The following CHN1 variants were observed in gnomAD, a reference collection of about 807,000 sequenced individuals.
CHN1 encodes chimerin 1, also known as N-chimaerin.
Under a neutral mutation model 59.5 loss-of-function variants are expected in CHN1, and 37 were observed. That is an observed-to-expected ratio of 0.62 (90% CI 0.48 to 0.82). The LOEUF is 0.82. Among genes scored for constraint, CHN1 ranks in the 40% least tolerant of loss-of-function variants. The pLI, the probability that CHN1 is intolerant of heterozygous loss-of-function variation, is 0.00. For missense variants in CHN1, 469 were observed against 571.0 expected, an observed-to-expected ratio of 0.82 and a Z score of 1.82; for synonymous variants, 206 against 200.4, an observed-to-expected ratio of 1.03 and a Z score of -0.24.
At position 174,969,511 on chromosome 2, in the gene CHN1, C is replaced by G. The variant is rs193059130; in HGVS notation, c.20-17309G>C. 1.2e-4 allele frequency among the ~76,000 whole-genome samples: 18 copies of G among 152,316 alleles called. 1 individual carries two copies. The highest frequency in any genetic ancestry group is 1.1e-3 in the Admixed American group (17 of 15,298). On this transcript the variant is annotated intron_variant, in intron 1 of 12. Transcript: ENST00000409900. ...CTTCCTCTCACTCACTCTTCTCCAG[C>G]CTCTTTGTTCCTCTGCCATTCATCA...
chr2:174,946,182 T>TA (rs1689830283), intron 2 of CHN1, among the ~76,000 whole-genome samples: 1 of 152,138 alleles, frequency 6.6e-6, no homozygotes, highest in Non-Finnish European at 1.5e-5. Flanking sequence ...ACTTCACAGA[T>TA]TACTTAAGGA....
chr2:174,885,269 G>A (rs1169588246), intron 5 of CHN1, among the ~76,000 whole-genome samples: 3 of 149,280 alleles, frequency 2.0e-5, no homozygotes, highest in African/African-American at 4.9e-5. Flanking sequence ...AGCGAGACTC[G>A]GTCTCAAAAA....
intron 8 of CHN1, among the ~76,000 whole-genome samples, chr2:174,823,818 A>G (rs1373452487): frequency 6.6e-6 from 1 of 152,154 alleles, no homozygotes; most frequent in Non-Finnish European, 1.5e-5. Flanking sequence ...GTATGTGTAA[A>G]TCTTTTGGTT....
At chr2:174,846,340 T>C (rs1558949948) in intron 7 of CHN1, 1 of 1,549,418 alleles carries the variant, frequency 6.5e-7, no homozygotes, top group South Asian at 1.2e-5. Flanking sequence ...ACTCAAAAAG[T>C]GAGGAGAAGC....
chr2:174,840,089 A>G (rs771902433), intron 7 of CHN1, among the ~76,000 whole-genome samples: 8 of 151,918 alleles, frequency 5.3e-5, no homozygotes, highest in Non-Finnish European at 8.8e-5. Flanking sequence ...ACCATGAGGA[A>G]TATGGCATTA....
At chr2:174,815,825 C>G (rs1044028838) in intron 8 of CHN1, among the ~76,000 whole-genome samples, 1 of 152,166 alleles carries the variant, frequency 6.6e-6, no homozygotes, top group Non-Finnish European at 1.5e-5. Context: ...CTGGTTCCTA[C>G]TAAATCTTTA....
intron 6 of CHN1, 121 bp from the exon 7 acceptor site, chr2:174,847,078 G>C: frequency 6.4e-7 from 1 of 1,551,696 alleles, no homozygotes; most frequent in South Asian, 1.2e-5. Flanking sequence ...GTTTTGATTT[G>C]TGAACTGCAG....
At chr2:174,805,701 C>A (rs964667940) in intron 11 of CHN1, among the ~76,000 whole-genome samples, 1 of 152,096 alleles carries the variant, frequency 6.6e-6, no homozygotes, top group African/African-American at 2.4e-5. Flanking sequence ...ACTCTAAGCC[C>A]ATAAAGATCT....
At chr2:174,907,618 T>G (rs1367581591) in intron 5 of CHN1, among the ~76,000 whole-genome samples, 3 of 151,238 alleles carry the variant, frequency 2.0e-5, no homozygotes, top group East Asian at 1.9e-4. Flanking sequence ...TTTTGGTTTT[T>G]TTTTTTTTTT....
chr2:174,845,629 C>T (rs538733387), intron 7 of CHN1, among the ~76,000 whole-genome samples: 9 of 151,892 alleles, frequency 5.9e-5, no homozygotes, highest in Non-Finnish European at 8.8e-5. Flanking sequence ...AAGAAGAAAA[C>T]GTTATTTAGT....
intron 11 of CHN1, among the ~76,000 whole-genome samples, chr2:174,804,268 G>A (rs1230977237): frequency 6.6e-6 from 1 of 152,130 alleles, no homozygotes; most frequent in Non-Finnish European, 1.5e-5. Context: ...TATAATGTTT[G>A]AGGAAAAGTG....
intron 3 of CHN1, among the ~76,000 whole-genome samples, chr2:174,937,262 C>T (rs1220016359): frequency 1.3e-5 from 2 of 152,174 alleles, no homozygotes; most frequent in East Asian, 3.8e-4. Flanking sequence ...AGAAAGGTCA[C>T]ACACACATGG....
At chr2:174,807,048 G>T (rs970190876) in intron 11 of CHN1, among the ~76,000 whole-genome samples, 2 of 152,180 alleles carry the variant, frequency 1.3e-5, no homozygotes, top group Admixed American at 1.3e-4. Flanking sequence ...TCTCTGAGGG[G>T]TGAGATAAGG....
At chr2:174,919,293 G>C (rs76314847) in intron 3 of CHN1, among the ~76,000 whole-genome samples, 13,225 of 152,136 alleles carry the variant, frequency 0.087, 719 homozygotes, top group Non-Finnish European at 0.12. Flanking sequence ...AATAGGAGTG[G>C]GTAACAAAAG....
intron 1 of CHN1, among the ~76,000 whole-genome samples, chr2:174,988,328 G>A (rs1337337844): frequency 6.7e-6 from 1 of 148,806 alleles, no homozygotes; most frequent in Non-Finnish European, 1.5e-5. Context: ...CTGCACTCCA[G>A]CCTGGGCAAC....
chr2:174,928,560 T>G (rs1689242210), intron 3 of CHN1, among the ~76,000 whole-genome samples: 1 of 152,182 alleles, frequency 6.6e-6, no homozygotes, highest in Non-Finnish European at 1.5e-5. Flanking sequence ...AATTTTGAAA[T>G]GTATGTGCAA....
At chr2:174,948,914 A>C (rs1689929952) in intron 2 of CHN1, among the ~76,000 whole-genome samples, 1 of 152,182 alleles carries the variant, frequency 6.6e-6, no homozygotes, top group Admixed American at 6.6e-5. Context: ...GTCGGTCCCA[A>C]AGACTATTAG....
At chr2:174,861,062 A>T (rs1005426805) in intron 6 of CHN1, among the ~76,000 whole-genome samples, 7 of 152,198 alleles carry the variant, frequency 4.6e-5, no homozygotes, top group African/African-American at 1.4e-4. Flanking sequence ...TTAAAAATTT[A>T]AAATTTTTAA....
Position 175,004,963 on chromosome 2 carries a change from G to A in CHN1, c.-51C>T, listed in dbSNP as rs1692016523. 3.3e-6 allele frequency: 5 copies of A among 1,517,948 alleles called. No homozygotes were observed. Among genetic ancestry groups the A allele is most frequent in the Non-Finnish European group, 4.4e-6 (5 of 1,135,978 alleles). The allele number at this position is 1,517,948 out of a possible 1,614,324, so 94.0% of individuals were successfully genotyped here. A position where few individuals can be genotyped will look rare whatever the true frequency, so the allele number is the denominator to read the frequency against. ...GAGTCCAGGCGCTCCTCCCAGGCGG[G>A]CTAGGGATCACCTCATCAGCCCGCC... On this transcript the variant is annotated 5_prime_UTR_variant, in exon 1 of 13. Coordinates refer to ENST00000409900, the MANE Select transcript of CHN1 (RefSeq NM_001822.7).
Sources: allele counts gnomAD v4.1 joint callset (sites outside exome capture counted in the v4.1 genomes callset), GRCh38; gene constraint gnomAD v4.1.1; transcripts MANE v1.5; gene names NCBI Gene and HGNC (gene_info 2026-07-23, HGNC 2026-07-21).